CDH22: variants seen among roughly 807,000 people sequenced by gnomAD.
CDH22 encodes the protein cadherin-22.
Under a neutral mutation model 58.4 loss-of-function variants are expected in CDH22, and 30 were observed. The ratio of observed to expected loss-of-function variants is 0.51; its 90% CI spans 0.38 to 0.70. CDH22 has a LOEUF of 0.70. CDH22 is among the 30% of genes least tolerant of loss of function. CDH22 has a pLI of 0.00. For synonymous variants in CDH22, 513 were observed against 558.2 expected (o/e 0.92, Z 1.14); for missense variants, 1,014 against 1,233.9 (o/e 0.82, Z 2.67).
chr20:46,228,775 G>A (rs2086198961), intron 3 of CDH22, among the ~76,000 whole-genome samples: 1 of 152,150 alleles, frequency 6.6e-6, no homozygotes, highest in Non-Finnish European at 1.5e-5. Context: ...TCCTGGGCTG[G>A]GCTGGGCTCC....
chr20:46,225,607 T>A (rs1472021075), intron 4 of CDH22, among the ~76,000 whole-genome samples: 1 of 152,276 alleles, frequency 6.6e-6, no homozygotes, highest in South Asian at 2.1e-4. Context: ...GGGGACTGGA[T>A]GGGGTGAAGA....
chr20:46,194,881 C>G (rs1202834795), intron 8 of CDH22, among the ~76,000 whole-genome samples: 1 of 152,152 alleles, frequency 6.6e-6, no homozygotes, highest in East Asian at 1.9e-4. Context: ...AGGTGCCCAC[C>G]ACCACACCCG....
chr20:46,236,615 A>G (rs1460525157), intron 3 of CDH22, among the ~76,000 whole-genome samples: 2 of 139,000 alleles, frequency 1.4e-5, no homozygotes, highest in Non-Finnish European at 3.0e-5. Context: ...ATAGATATAT[A>G]TTAATATCTA....
intron 1 of CDH22, among the ~76,000 whole-genome samples, chr20:46,270,555 C>T (rs1461737024): frequency 2.0e-5 from 3 of 152,222 alleles, no homozygotes; most frequent in African/African-American, 7.2e-5. Context: ...GAATCCTCTT[C>T]TTCCTGAGTT....
chr20:46,280,210 A>G (rs2086543684), intron 1 of CDH22, among the ~76,000 whole-genome samples: 1 of 152,180 alleles, frequency 6.6e-6, no homozygotes, highest in Non-Finnish European at 1.5e-5. Flanking sequence ...ACTTGAGCTC[A>G]GGTGTTTGAG....
intron 8 of CDH22, among the ~76,000 whole-genome samples, chr20:46,187,166 G>A (rs951198392): frequency 6.6e-6 from 1 of 151,860 alleles, no homozygotes; most frequent in African/African-American, 2.4e-5. Context: ...GGCACCATTG[G>A]CATTATCACT....
intron 6 of CDH22, among the ~76,000 whole-genome samples, chr20:46,212,284 A>G (rs1255492088): frequency 6.6e-6 from 1 of 152,174 alleles, no homozygotes; most frequent in Non-Finnish European, 1.5e-5. Context: ...ATACAAACAA[A>G]GGCCTATGAC....
rs753336204 is a variant in CDH22 at position 46,186,722 on chromosome 20, G to C, written c.1546-17C>G. 3 of 1,611,856 alleles carry C rather than the reference G, an allele frequency of 1.9e-6. No individual in the cohort carries two copies. In the South Asian group the frequency reaches 3.3e-5, roughly 18 times the overall value. ...CTGGATGAGCTGAAGGGTGAGGAGGGGATAGAGGGCTAGTGGTGAGGCTGA... is the reference window on the plus strand; with the variant it reads ...CTGGATGAGCTGAAGGGTGAGGAGGCGATAGAGGGCTAGTGGTGAGGCTGA... On this transcript the variant is annotated splice_polypyrimidine_tract_variant and intron_variant, in intron 9 of 11. Coordinates refer to ENST00000537909, the MANE Select transcript of CDH22 (RefSeq NM_021248.3).
chr20:46,245,675 T>C (rs545698450), intron 2 of CDH22, among the ~76,000 whole-genome samples: 33 of 152,096 alleles, frequency 2.2e-4, no homozygotes, highest in African/African-American at 7.7e-4. Flanking sequence ...TAATAAAATA[T>C]ACAACAGTCA....
intron 1 of CDH22, among the ~76,000 whole-genome samples, chr20:46,270,234 C>T (rs1431175486): frequency 6.6e-6 from 1 of 152,112 alleles, no homozygotes; most frequent in East Asian, 1.9e-4. Flanking sequence ...CTCATTCTGA[C>T]CTGATGGTGC....
Position 46,253,014 on chromosome 20 carries a change from T to G in CDH22, c.-399-1321A>C, listed in dbSNP as rs115921986. Among the ~76,000 whole-genome samples the G allele has an allele frequency of 1.8e-3, 281 of 152,248 alleles. 1 individual carries two copies. Among genetic ancestry groups the G allele is most frequent in the African/African-American group, 6.5e-3 (272 of 41,534 alleles). ...TGGTGGCTGAGTGGTCTGGCCAGTT[T>G]GGGGAGTTAGATTGTGAGCAGGGGT... On this transcript the variant is annotated intron_variant, in intron 1 of 11. Coordinates refer to ENST00000537909, the MANE Select transcript of CDH22 (RefSeq NM_021248.3).
chr20:46,297,119 C>T (rs1420335015), intron 1 of CDH22, among the ~76,000 whole-genome samples: 3 of 152,268 alleles, frequency 2.0e-5, no homozygotes, highest in South Asian at 2.1e-4. Flanking sequence ...GATTGTGCCC[C>T]GCGGACATCA....
At chr20:46,206,344 C>T (rs2086001882) in intron 7 of CDH22, among the ~76,000 whole-genome samples, 1 of 152,194 alleles carries the variant, frequency 6.6e-6, no homozygotes, top group Middle Eastern at 3.2e-3. Flanking sequence ...CAAATGAGTA[C>T]AATACCCTCT....
At chr20:46,306,831 G>A (rs2145790721) in intron 1 of CDH22, among the ~76,000 whole-genome samples, 2 of 152,346 alleles carry the variant, frequency 1.3e-5, no homozygotes, top group South Asian at 4.1e-4. Context: ...GGCAACTGAG[G>A]GGGACGGAGT....
At chr20:46,177,515 A>T (rs986013672) in intron 11 of CDH22, among the ~76,000 whole-genome samples, 1 of 151,978 alleles carries the variant, frequency 6.6e-6, no homozygotes, top group Admixed American at 6.5e-5. Flanking sequence ...AAATCCAAAG[A>T]TTATCCAGTA....
chr20:46,219,340 G>A (rs1211586822), intron 4 of CDH22, among the ~76,000 whole-genome samples: 1 of 152,128 alleles, frequency 6.6e-6, no homozygotes, highest in Non-Finnish European at 1.5e-5. Context: ...CCATTTCTTT[G>A]GTCATGTGAT....
Position 46,284,443 on chromosome 20 carries a change from G to A in CDH22, c.-400+23812C>T, listed in dbSNP as rs531600503. The stretch of plus-strand genomic sequence containing the variant: ...GACCTCAACACCTTCTGGGATCTTT[G>A]GGGGAAGCCAAGGAACATTTATTGA... On this transcript the variant is annotated intron_variant, in intron 1 of 11. Transcript: ENST00000537909. 2.0e-5 allele frequency among the ~76,000 whole-genome samples: 3 copies of A among 152,312 alleles called. No individual in the cohort carries two copies. In the South Asian group the frequency reaches 6.2e-4, roughly 32 times the overall value.
At chr20:46,227,824 G>T (rs733379) in intron 3 of CDH22, among the ~76,000 whole-genome samples, 197 bp from the exon 4 acceptor site, 1 of 151,984 alleles carries the variant, frequency 6.6e-6, no homozygotes, top group Non-Finnish European at 1.5e-5. Context: ...TTCTGGTGGC[G>T]CAAGTGTGAC....
At chr20:46,209,978 G>A (rs536452638) in intron 7 of CDH22, 21 of 278,086 alleles carry the variant, frequency 7.6e-5, no homozygotes, top group Non-Finnish European at 1.3e-4. Context: ...CCAGTCGAGA[G>A]ATCAGGGAGC....
Sources: allele counts gnomAD v4.1 joint callset (sites outside exome capture counted in the v4.1 genomes callset), GRCh38; gene constraint gnomAD v4.1.1; transcripts MANE v1.5; gene names NCBI Gene and HGNC (gene_info 2026-07-23, HGNC 2026-07-21).